Variants in RBFOX1 observed in about 807,000 individuals in gnomAD.
RBFOX1 encodes the protein RNA binding fox-1 homolog 1.
RBFOX1 carries 8 observed loss-of-function variants against 57.7 expected under a neutral mutation model. The observed-to-expected ratio is 0.14, with a 90% CI of 0.08 to 0.25. The LOEUF (loss-of-function observed/expected upper bound fraction) is 0.25. Ranked by LOEUF, RBFOX1 falls within the 10% of genes least tolerant of loss-of-function variation. The pLI, the probability that RBFOX1 is intolerant of heterozygous loss-of-function variation, is 1.00. For synonymous variants in RBFOX1, 326 were observed against 222.4 expected (o/e 1.47, Z -4.15); for missense variants, 611 against 548.5 (o/e 1.11, Z -1.14).
At chr16:7,241,119 A>C (rs1215944765) in intron 4 of RBFOX1, among the ~76,000 whole-genome samples, 3 of 152,164 alleles carry the variant, frequency 2.0e-5, no homozygotes, top group African/African-American at 7.2e-5. Flanking sequence ...CTGGCTTGAG[A>C]CCCGAGGCAG....
chr16:6,547,107 T>C lies in RBFOX1; in HGVS notation c.-63-107496T>C, dbSNP rs953600110. 2.0e-5 allele frequency among the ~76,000 whole-genome samples: 3 copies of C among 152,222 alleles called. No individual in the cohort carries two copies. In the South Asian group the frequency reaches 6.2e-4, roughly 32 times the overall value. On this transcript the variant is annotated intron_variant, in intron 2 of 15. Coordinates refer to ENST00000550418, the MANE Select transcript of RBFOX1 (RefSeq NM_018723.4). ...TCTTCCCCTGCCCAACTCTATTGCA[T>C]TGAGAATAAAGTATCTGGCGCTCTT...
chr16:6,969,394 T>C (rs1404635628), intron 3 of RBFOX1, among the ~76,000 whole-genome samples: 17 of 150,308 alleles, frequency 1.1e-4, no homozygotes, highest in Non-Finnish European at 2.5e-4. Flanking sequence ...ATTTTGTTCA[T>C]GATGCATATT....
intron 5 of RBFOX1, among the ~76,000 whole-genome samples, chr16:7,534,103 G>GGT (rs1555561494): frequency 4.2e-5 from 2 of 48,000 alleles, no homozygotes; most frequent in African/African-American, 1.2e-4. Context: ...TTTTTTTTTT[G>GGT]GACATGCAGT....
At chr16:7,252,819 G>A (rs2153030591) in intron 4 of RBFOX1, among the ~76,000 whole-genome samples, 1 of 151,974 alleles carries the variant, frequency 6.6e-6, no homozygotes, top group South Asian at 2.1e-4. Context: ...GTCAGATCTG[G>A]GATGTGAACG....
intron 2 of RBFOX1, among the ~76,000 whole-genome samples, chr16:6,439,522 C>G (rs1427305363): frequency 6.6e-6 from 1 of 152,186 alleles, no homozygotes; most frequent in Non-Finnish European, 1.5e-5. Context: ...CCTCATGCCT[C>G]CTGAGCTGCC....
intron 4 of RBFOX1, among the ~76,000 whole-genome samples, chr16:5,924,568 C>G (rs1425800697): frequency 2.0e-5 from 3 of 152,184 alleles, no homozygotes; most frequent in Non-Finnish European, 4.4e-5. Context: ...ACCAACTCCC[C>G]TTCATTTTCC....
intron 2 of RBFOX1, among the ~76,000 whole-genome samples, chr16:5,522,038 G>C (rs1025624915): frequency 1.3e-5 from 2 of 152,172 alleles, no homozygotes; most frequent in South Asian, 4.1e-4. Flanking sequence ...CCCGGGATTC[G>C]ACTGGGGTTC....
intron 3 of RBFOX1, among the ~76,000 whole-genome samples, chr16:5,668,167 G>C (rs1456075288): frequency 2.0e-5 from 3 of 152,140 alleles, no homozygotes; most frequent in Non-Finnish European, 4.4e-5. Context: ...CATAGTCCTA[G>C]CTACTCAGGA....
intron 3 of RBFOX1, among the ~76,000 whole-genome samples, chr16:6,968,487 G>A (rs908369233): frequency 6.6e-6 from 1 of 152,096 alleles, no homozygotes; most frequent in African/African-American, 2.4e-5. Flanking sequence ...GCTTCTCCCT[G>A]CTTTGGCTGA....
chr16:6,244,299 G>T (rs1567759943), intron 1 of RBFOX1, among the ~76,000 whole-genome samples: 1 of 151,836 alleles, frequency 6.6e-6, no homozygotes, highest in African/African-American at 2.4e-5. Flanking sequence ...TTGTTTGGCG[G>T]TCAAGGCCTT....
intron 1 of RBFOX1, among the ~76,000 whole-genome samples, chr16:5,356,662 A>G (rs2065397846): frequency 6.6e-6 from 1 of 152,216 alleles, no homozygotes; most frequent in Non-Finnish European, 1.5e-5. Flanking sequence ...ATGGAAATTA[A>G]TAGTATCAGT....
intron 2 of RBFOX1, among the ~76,000 whole-genome samples, chr16:6,563,860 G>A (rs1210604687): frequency 6.6e-6 from 1 of 151,736 alleles, no homozygotes; most frequent in Non-Finnish European, 1.5e-5. Flanking sequence ...GTGTGTGTGT[G>A]TGTATGTATG....
chr16:5,565,627 C>CGTAAATAAATAA (rs1555466587), intron 2 of RBFOX1, among the ~76,000 whole-genome samples: 25 of 142,836 alleles, frequency 1.8e-4, no homozygotes, highest in African/African-American at 5.9e-4. Context: ...CTCTGCCTTA[C>CGTAAATAAATAA]ATAAATAAAT....
intron 2 of RBFOX1, among the ~76,000 whole-genome samples, chr16:6,638,595 A>C (rs955670279): frequency 1.3e-5 from 2 of 152,228 alleles, no homozygotes; most frequent in African/African-American, 4.8e-5. Flanking sequence ...TTCTTTGATG[A>C]ATGAAGGTGT....
At chr16:6,399,657 C>G (rs139995869) in intron 2 of RBFOX1, among the ~76,000 whole-genome samples, 1 of 152,228 alleles carries the variant, frequency 6.6e-6, no homozygotes, top group Non-Finnish European at 1.5e-5. Context: ...TCCAAAGTCA[C>G]TTCCACATTT....
chr16:7,015,693 G>A (rs775746847), intron 3 of RBFOX1, among the ~76,000 whole-genome samples: 5 of 151,792 alleles, frequency 3.3e-5, no homozygotes, highest in South Asian at 2.1e-4. Context: ...TATGACTAGC[G>A]GTCTAGTTAT....
chr16:7,345,251 G>A (rs1341639569), intron 4 of RBFOX1, among the ~76,000 whole-genome samples: 1 of 152,146 alleles, frequency 6.6e-6, no homozygotes, highest in Admixed American at 6.5e-5. Flanking sequence ...TTGTTACTGT[G>A]GTGGTGTGTT....
chr16:7,300,592 G>C (rs1304012058), intron 4 of RBFOX1, among the ~76,000 whole-genome samples: 1 of 144,846 alleles, frequency 6.9e-6, no homozygotes, highest in East Asian at 2.1e-4. Context: ...CTTGCTCTGA[G>C]GTATGGCAAC....
chr16:6,823,980 T>C (rs2091755322), intron 3 of RBFOX1, among the ~76,000 whole-genome samples: 1 of 152,138 alleles, frequency 6.6e-6, no homozygotes, highest in African/African-American at 2.4e-5. Flanking sequence ...TCTTGAAGGA[T>C]GGGTATGAGC....
Sources: gnomAD v4.1 joint callset for allele counts (sites outside exome capture counted in the v4.1 genomes callset) on GRCh38, gnomAD v4.1.1 for gene constraint, MANE v1.5 for transcripts, NCBI Gene and HGNC (gene_info 2026-07-23, HGNC 2026-07-21) for gene names.